Variants in ASTN2 observed in about 807,000 individuals in gnomAD.
ASTN2 encodes the protein astrotactin 2.
ASTN2 carries 54 observed loss-of-function variants against 139.8 expected under a neutral mutation model. The ratio of observed to expected loss-of-function variants is 0.39; its 90% CI spans 0.31 to 0.48. The LOEUF is 0.48. Ranked by LOEUF, ASTN2 falls within the 20% of genes least tolerant of loss-of-function variation. The pLI is 0.95. For synonymous variants in ASTN2, 756 were observed against 719.5 expected, an observed-to-expected ratio of 1.05 and a Z score of -0.81; for missense variants, 1,565 against 1,725.1, an observed-to-expected ratio of 0.91 and a Z score of 1.64.
intron 16 of ASTN2, among the ~76,000 whole-genome samples, chr9:116,696,351 T>TA (rs1554732290): frequency 1.3e-5 from 2 of 152,214 alleles, no homozygotes; most frequent in African/African-American, 4.8e-5. Flanking sequence ...ACACTCTATA[T>TA]ATTATTTCAT....
intron 5 of ASTN2, among the ~76,000 whole-genome samples, chr9:117,054,003 T>C (rs780432706): frequency 7.3e-5 from 11 of 150,228 alleles, no homozygotes; most frequent in Non-Finnish European, 1.5e-4. Flanking sequence ...TTGCCTTTAG[T>C]GGGGGAATAT....
chr9:117,281,185 C>A (rs546633238), intron 2 of ASTN2, among the ~76,000 whole-genome samples: 1 of 152,296 alleles, frequency 6.6e-6, no homozygotes, highest in East Asian at 1.9e-4. Context: ...CTTCCCTGGG[C>A]ACCTTGCTGA....
At chr9:116,564,520 G>A (rs4836760) in intron 19 of ASTN2, among the ~76,000 whole-genome samples, 24,145 of 152,096 alleles carry the variant, frequency 0.16, 2,086 homozygotes, top group African/African-American at 0.21. Context: ...CAAGGCCATC[G>A]TTACTTGCAG....
chr9:116,908,011 C>A (rs902945441), intron 10 of ASTN2, among the ~76,000 whole-genome samples: 1 of 152,120 alleles, frequency 6.6e-6, no homozygotes, highest in Non-Finnish European at 1.5e-5. Context: ...TGCGGATAGC[C>A]TCACCCCTCA....
chr9:117,203,799 A>G (rs1453164813), intron 3 of ASTN2, among the ~76,000 whole-genome samples: 3 of 152,170 alleles, frequency 2.0e-5, no homozygotes, highest in Non-Finnish European at 4.4e-5. Flanking sequence ...TGCATAGGGT[A>G]TCTGACAACC....
At chr9:117,388,226 C>T (rs1830450865) in intron 1 of ASTN2, among the ~76,000 whole-genome samples, 1 of 152,180 alleles carries the variant, frequency 6.6e-6, no homozygotes, top group African/African-American at 2.4e-5. Flanking sequence ...GCTTTTTCTA[C>T]CCAACAATAT....
At chr9:116,541,826 T>C (rs1167271978) in intron 19 of ASTN2, among the ~76,000 whole-genome samples, 1 of 152,216 alleles carries the variant, frequency 6.6e-6, no homozygotes, top group Non-Finnish European at 1.5e-5. Flanking sequence ...GCTTTAATTA[T>C]ATACCATTTT....
At chr9:117,118,967 A>G (rs949414817) in intron 4 of ASTN2, among the ~76,000 whole-genome samples, 6 of 152,122 alleles carry the variant, frequency 3.9e-5, no homozygotes, top group Non-Finnish European at 8.8e-5. Context: ...GCTTTCTGAG[A>G]TGATGTCATA....
At chr9:116,685,454 GCT>G (rs1369529978) in intron 16 of ASTN2, among the ~76,000 whole-genome samples, 1 of 152,158 alleles carries the variant, frequency 6.6e-6, no homozygotes, top group Non-Finnish European at 1.5e-5. Context: ...TGATGAATCA[GCT>G]CTGTCTAGGC....
At chr9:116,752,821 A>G (rs1245438315) in intron 13 of ASTN2, among the ~76,000 whole-genome samples, 1 of 152,196 alleles carries the variant, frequency 6.6e-6, no homozygotes, top group Non-Finnish European at 1.5e-5. Context: ...ATGAAACACC[A>G]CTATATAACT....
intron 21 of ASTN2, 48 bp from the exon 22 acceptor site, chr9:116,440,840 G>T: frequency 6.4e-7 from 1 of 1,571,870 alleles, no homozygotes; most frequent in South Asian, 1.1e-5. Context: ...GTGAAAAAAA[G>T]TAAGGATATA....
intron 10 of ASTN2, among the ~76,000 whole-genome samples, chr9:116,944,636 C>T (rs1333475934): frequency 2.3e-5 from 3 of 131,382 alleles, no homozygotes; most frequent in Non-Finnish European, 4.6e-5. Flanking sequence ...GAGTCGAGAT[C>T]ATGCCACTGC....
At chr9:117,271,344 G>A (rs567086196) in intron 2 of ASTN2, among the ~76,000 whole-genome samples, 7 of 152,148 alleles carry the variant, frequency 4.6e-5, no homozygotes, top group East Asian at 1.9e-4. Flanking sequence ...CCTATGATTC[G>A]ATTACCTCCC....
intron 4 of ASTN2, among the ~76,000 whole-genome samples, chr9:117,109,060 G>A (rs1303593869): frequency 6.6e-6 from 1 of 152,000 alleles, no homozygotes; most frequent in Non-Finnish European, 1.5e-5. Flanking sequence ...CGAGGTGGGC[G>A]GATCACTTGA....
chr9:116,737,790 T>C (rs983284363), intron 13 of ASTN2, among the ~76,000 whole-genome samples: 1 of 152,142 alleles, frequency 6.6e-6, no homozygotes, highest in Non-Finnish European at 1.5e-5. Context: ...CCAAAGGTTG[T>C]ATGTTCTCAC....
chr9:116,779,975 C>T (rs1176346263), intron 13 of ASTN2, among the ~76,000 whole-genome samples: 4 of 152,180 alleles, frequency 2.6e-5, no homozygotes, highest in African/African-American at 9.7e-5. Flanking sequence ...GTTTATGTAT[C>T]AATCTGCTGA....
At chr9:116,590,818 A>C (rs1854348471) in intron 19 of ASTN2, among the ~76,000 whole-genome samples, 1 of 152,110 alleles carries the variant, frequency 6.6e-6, no homozygotes, top group Non-Finnish European at 1.5e-5. Context: ...CCCAGGAAGG[A>C]GCTTTGGTCT....
At position 116,828,300 on chromosome 9, in the gene ASTN2, CA is replaced by C. The variant is rs34187222; in HGVS notation, c.2041-7518del. 4.4e-3 allele frequency among the ~76,000 whole-genome samples: 575 copies of C among 132,150 alleles called. 3 individuals carry two copies. The highest frequency in any genetic ancestry group is 6.3e-3 in the Non-Finnish European group (395 of 63,162). 86.7% of individuals were successfully genotyped at this position (132,150 alleles called of 152,430 possible). A position where few individuals can be genotyped will look rare whatever the true frequency, so the allele number is the denominator to read the frequency against. On this transcript the variant is annotated intron_variant, in intron 11 of 22. Transcript: ENST00000313400. Reference sequence around the variant, plus strand: ...TGGGCAACAGAGCGAGACTCCGTCTCAAAAAAAAAAAAAAAAATACTAGCAA... The same window carrying C: ...TGGGCAACAGAGCGAGACTCCGTCTCAAAAAAAAAAAAAAAATACTAGCAA...
chr9:117,407,915 C>T (rs1036799413), intron 1 of ASTN2, among the ~76,000 whole-genome samples: 9 of 152,182 alleles, frequency 5.9e-5, no homozygotes, highest in Non-Finnish European at 8.8e-5. Context: ...AGGAAGCCTC[C>T]TCTAATGCTG....
Sources: gnomAD v4.1 joint callset for allele counts (sites outside exome capture counted in the v4.1 genomes callset) on GRCh38, gnomAD v4.1.1 for gene constraint, MANE v1.5 for transcripts, NCBI Gene and HGNC (gene_info 2026-07-23, HGNC 2026-07-21) for gene names.